ZBTB20: variants seen among roughly 807,000 people sequenced by gnomAD.
ZBTB20 encodes the protein zinc finger and BTB domain-containing protein 20.
In ZBTB20, 9 loss-of-function variants were observed where a neutral mutation model predicts 56.9. The observed-to-expected ratio is 0.16, with a 90% CI of 0.10 to 0.28. ZBTB20 has a LOEUF of 0.28. Ranked by LOEUF, ZBTB20 falls within the 10% of genes least tolerant of loss-of-function variation. The pLI is 1.00. For missense variants in ZBTB20, 655 were observed against 1,003.0 expected (o/e 0.65, Z 4.69); for synonymous variants, 417 against 420.7 (o/e 0.99, Z 0.11).
intron 6 of ZBTB20, among the ~76,000 whole-genome samples, chr3:114,504,337 G>C (rs944006526): frequency 1.3e-5 from 2 of 152,092 alleles, no homozygotes; most frequent in African/African-American, 4.8e-5. Flanking sequence ...GGTACCTTGA[G>C]AAATAAATCC....
At position 114,898,679 on chromosome 3, in the gene ZBTB20, C is replaced by T. The variant is rs558797890; in HGVS notation, c.-417+1625G>A. 2.6e-5 allele frequency among the ~76,000 whole-genome samples: 4 copies of T among 152,242 alleles called. No individual in the cohort carries two copies. In the South Asian group the frequency reaches 6.2e-4, roughly 24 times the overall value. ...AGAGGCTGTGGCAATCCTCTACTTA[C>T]CTTTGTACTGTGTTTCCTACTTCCA... On this transcript the variant is annotated intron_variant, in intron 4 of 11. Coordinates refer to ENST00000675478, the MANE Select transcript of ZBTB20 (RefSeq NM_001348800.3).
intron 5 of ZBTB20, among the ~76,000 whole-genome samples, chr3:114,762,730 T>C (rs2068525647): frequency 6.6e-6 from 1 of 152,214 alleles, no homozygotes; most frequent in South Asian, 2.1e-4. Flanking sequence ...CAGGGCGTTC[T>C]AGAATCTGTT....
At chr3:114,714,005 A>T (rs564075374) in intron 5 of ZBTB20, 1 of 152,770 alleles carries the variant, frequency 6.5e-6, no homozygotes. Flanking sequence ...AAGCCTTGGT[A>T]GGTGCTTTCC....
At chr3:114,520,421 TATAC>T (rs2046514741) in intron 6 of ZBTB20, among the ~76,000 whole-genome samples, 1 of 152,124 alleles carries the variant, frequency 6.6e-6, no homozygotes, top group African/African-American at 2.4e-5. Context: ...GATTTTGAGG[TATAC>T]AATTACTACA....
At chr3:114,954,972 T>C (rs2077197226) in intron 3 of ZBTB20, among the ~76,000 whole-genome samples, 1 of 152,200 alleles carries the variant, frequency 6.6e-6, no homozygotes, top group Admixed American at 6.6e-5. Flanking sequence ...GAGTGGTGAA[T>C]AGTAATTCTA....
intron 5 of ZBTB20, among the ~76,000 whole-genome samples, chr3:114,729,195 A>T (rs1042900463): frequency 1.1e-4 from 17 of 152,234 alleles, no homozygotes; most frequent in African/African-American, 3.6e-4. Context: ...ACTCTTTGCA[A>T]GAAAGATAAA....
chr3:114,535,038 G>C (rs2048306725), intron 6 of ZBTB20, among the ~76,000 whole-genome samples: 1 of 152,104 alleles, frequency 6.6e-6, no homozygotes, highest in Non-Finnish European at 1.5e-5. Flanking sequence ...GGAGAAAACA[G>C]GAAAGATCTA....
At position 114,321,998 on chromosome 3, in the gene ZBTB20, T is replaced by G. The variant is rs1202436067; in HGVS notation, c.*17007A>C. 6.6e-6 allele frequency: 1 copy of G among 152,252 alleles called. No homozygotes were observed. Among genetic ancestry groups the G allele is most frequent in the Admixed American group, 6.5e-5 (1 of 15,288 alleles). 9.4% of individuals were successfully genotyped at this position (152,252 alleles called of 1,614,324 possible). On this transcript the variant is annotated 3_prime_UTR_variant, in exon 12 of 12. Transcript: ENST00000675478. ...CCAAGCATTTTCCTTGCCATGGGCA[T>G]GGGCGTTTCAACCACTCCAGAAATC...
intron 2 of ZBTB20, among the ~76,000 whole-genome samples, chr3:115,003,817 T>A (rs906214496): frequency 2.0e-5 from 3 of 151,668 alleles, no homozygotes; most frequent in African/African-American, 7.3e-5. Context: ...TTACTTACTG[T>A]GAACAATCAG....
intron 2 of ZBTB20, among the ~76,000 whole-genome samples, chr3:114,987,506 C>A (rs887250466): frequency 5.3e-5 from 8 of 152,090 alleles, no homozygotes; most frequent in Non-Finnish European, 1.0e-4. Flanking sequence ...CAAAACGTTG[C>A]AATATTTTCA....
chr3:114,990,860 C>G (rs1236679757), intron 2 of ZBTB20, among the ~76,000 whole-genome samples: 1 of 152,112 alleles, frequency 6.6e-6, no homozygotes, highest in Non-Finnish European at 1.5e-5. Context: ...AGGAATTTAT[C>G]CATTTCTGCT....
chr3:114,541,153 CA>C (rs1000396078), intron 6 of ZBTB20, among the ~76,000 whole-genome samples: 4 of 151,936 alleles, frequency 2.6e-5, no homozygotes, highest in Non-Finnish European at 5.9e-5. Context: ...AAAAATAATA[CA>C]AAAAATTGAT....
intron 1 of ZBTB20, among the ~76,000 whole-genome samples, chr3:115,107,784 A>G (rs2083764951): frequency 6.6e-6 from 1 of 152,272 alleles, no homozygotes; most frequent in Non-Finnish European, 1.5e-5. Flanking sequence ...AATGTTGTAC[A>G]TATACACCAT....
At chr3:114,721,253 C>T (rs1180407331) in intron 5 of ZBTB20, among the ~76,000 whole-genome samples, 1 of 151,946 alleles carries the variant, frequency 6.6e-6, no homozygotes, top group Non-Finnish European at 1.5e-5. Context: ...CAGTGATATT[C>T]TAGTATAAAT....
chr3:115,130,825 C>T (rs2084482958), intron 1 of ZBTB20, among the ~76,000 whole-genome samples: 1 of 151,986 alleles, frequency 6.6e-6, no homozygotes, highest in Non-Finnish European at 1.5e-5. Context: ...GCAATGGCAC[C>T]ATCTCGGCTC....
intron 5 of ZBTB20, among the ~76,000 whole-genome samples, chr3:114,768,481 T>A (rs1035499366): frequency 1.3e-5 from 2 of 152,064 alleles, no homozygotes; most frequent in Admixed American, 6.6e-5. Context: ...CCATTTAATA[T>A]TGTGATTAGC....
intron 3 of ZBTB20, among the ~76,000 whole-genome samples, chr3:114,968,485 A>T (rs1463182505): frequency 6.6e-6 from 1 of 152,242 alleles, no homozygotes; most frequent in African/African-American, 2.4e-5. Flanking sequence ...TTTACTGAAC[A>T]AGGCTGAAGT....
At chr3:114,706,604 A>C (rs2063732165) in intron 5 of ZBTB20, among the ~76,000 whole-genome samples, 2 of 152,150 alleles carry the variant, frequency 1.3e-5, no homozygotes, top group Admixed American at 1.3e-4. Context: ...AGTAATAATA[A>C]TAAAGAAATC....
At chr3:114,357,907 T>C (rs1489404801) in intron 10 of ZBTB20, among the ~76,000 whole-genome samples, 1 of 152,232 alleles carries the variant, frequency 6.6e-6, no homozygotes, top group Non-Finnish European at 1.5e-5. Flanking sequence ...AGAAATATTT[T>C]TTAAAAAGAT....
Sources: gnomAD v4.1 joint callset for allele counts (sites outside exome capture counted in the v4.1 genomes callset) on GRCh38, gnomAD v4.1.1 for gene constraint, MANE v1.5 for transcripts, NCBI Gene and HGNC (gene_info 2026-07-23, HGNC 2026-07-21) for gene names.